The following ATG5 variants were observed in gnomAD, a reference collection of about 807,000 sequenced individuals.
ATG5 encodes the protein autophagy related 5.
A neutral mutation model predicts 36.5 loss-of-function variants in ATG5; 14 were observed. The ratio of observed to expected loss-of-function variants is 0.38; its 90% CI spans 0.25 to 0.60. The LOEUF (loss-of-function observed/expected upper bound fraction) is 0.60, where lower values mean the gene tolerates loss of function less well. Ranked by LOEUF, ATG5 falls within the 20% of genes least tolerant of loss-of-function variation. The probability of loss-of-function intolerance (pLI) is 0.60; values close to 1 mark genes in which losing one functional copy is unlikely to be tolerated. For synonymous variants in ATG5, 95 were observed against 101.5 expected (o/e 0.94, Z 0.38); for missense variants, 195 against 326.7 (o/e 0.60, Z 3.11).
intron 6 of ATG5, among the ~76,000 whole-genome samples, chr6:106,233,256 TA>T (rs1222999294): frequency 6.6e-6 from 1 of 152,166 alleles, no homozygotes; most frequent in African/African-American, 2.4e-5. Flanking sequence ...CCCAAAACCC[TA>T]AAGCAACTAA....
chr6:106,231,055 G>C (rs1777666865), intron 6 of ATG5, among the ~76,000 whole-genome samples: 1 of 151,440 alleles, frequency 6.6e-6, no homozygotes, highest in Admixed American at 6.6e-5. Context: ...CGGTCCAAAA[G>C]GAGATAGACA....
chr6:106,243,452 G>A (rs1582599936), intron 6 of ATG5, among the ~76,000 whole-genome samples: 1 of 151,750 alleles, frequency 6.6e-6, no homozygotes, highest in African/African-American at 2.4e-5. Context: ...CGCTTGAGCC[G>A]GGAAGGCAGA....
In ATG5 at chr6:106,306,939, A is replaced by T. The variant is rs571122548; in HGVS notation, c.236+1425T>A. ...AAGAATCAGAGGAGTCTGATACATG[A>T]TCATGAAGCTCAGTATTGTTTTGAT... On this transcript the variant is annotated intron_variant, in intron 3 of 7. Transcript: ENST00000369076. Among the ~76,000 whole-genome samples, 12 of 152,338 alleles carry T rather than the reference A, an allele frequency of 7.9e-5. No homozygotes were observed. In the South Asian group the frequency reaches 2.5e-3, roughly 32 times the overall value.
chr6:106,289,676 AC>A lies in ATG5; in HGVS notation c.315+3351del, dbSNP rs1385537302. Among the ~76,000 whole-genome samples the A allele has an allele frequency of 6.0e-5, 9 of 151,070 alleles. No homozygotes were observed. In the South Asian group the frequency reaches 1.5e-3, roughly 25 times the overall value. On this transcript the variant is annotated intron_variant, in intron 4 of 7. Transcript: ENST00000369076. ...ATTAGAGCTGAAACATTTAAAAAAA[AC>A]ATTAATTCACTTAAAAATACCAAGA...
At chr6:106,203,516 T>C (rs1488949399) in intron 6 of ATG5, among the ~76,000 whole-genome samples, 5 of 152,372 alleles carry the variant, frequency 3.3e-5, no homozygotes, top group Middle Eastern at 3.4e-3. Context: ...TCTTAACGGT[T>C]ATTTCACTTT....
chr6:106,224,645 G>T (rs1401951617), intron 6 of ATG5, among the ~76,000 whole-genome samples: 7 of 152,172 alleles, frequency 4.6e-5, no homozygotes. Context: ...GGAGGCCTGG[G>T]TGGGCGGATC....
At chr6:106,213,820 T>C (rs1357559881) in intron 6 of ATG5, among the ~76,000 whole-genome samples, 1 of 152,190 alleles carries the variant, frequency 6.6e-6, no homozygotes, top group African/African-American at 2.4e-5. Flanking sequence ...GATGTGATAA[T>C]TAAATGAGAT....
In ATG5 at chr6:106,192,228, T is replaced by A. The variant is rs9480649; in HGVS notation, c.692-5552A>T. Among the ~76,000 whole-genome samples the A allele has an allele frequency of 9.7e-3, 1,473 of 151,634 alleles. 24 individuals are homozygous for A. The highest frequency in any genetic ancestry group is 0.033 in the African/African-American group (1,384 of 41,378). The stretch of plus-strand genomic sequence containing the variant: ...AGACTTTAGGTAAGGTTATTTTTTT[T>A]AAAAAAGATGAAAACATTCAGGTAA... On this transcript the variant is annotated intron_variant, in intron 7 of 7. Coordinates refer to ENST00000369076, the MANE Select transcript of ATG5 (RefSeq NM_004849.4).
intron 3 of ATG5, among the ~76,000 whole-genome samples, chr6:106,305,928 C>T (rs1159996209): frequency 6.6e-6 from 1 of 152,192 alleles, no homozygotes; most frequent in East Asian, 1.9e-4. Context: ...ACATTTATGG[C>T]TCTGGAAGTT....
chr6:106,252,968 CATCT>C (rs2114528424), intron 5 of ATG5, among the ~76,000 whole-genome samples: 1 of 152,284 alleles, frequency 6.6e-6, no homozygotes, highest in East Asian at 1.9e-4. Flanking sequence ...CAAAATTTTC[CATCT>C]GTCAACAGTA....
chr6:106,261,903 G>A (rs1779034463), intron 5 of ATG5, among the ~76,000 whole-genome samples: 1 of 152,124 alleles, frequency 6.6e-6, no homozygotes, highest in Non-Finnish European at 1.5e-5. Flanking sequence ...ATTACACAAT[G>A]CACAGGACAG....
intron 3 of ATG5, among the ~76,000 whole-genome samples, chr6:106,303,969 A>G (rs926185681): frequency 4.0e-5 from 6 of 149,540 alleles, no homozygotes; most frequent in African/African-American, 1.5e-4. Flanking sequence ...AGCTACTCCA[A>G]TAAGGAAAAA....
At chr6:106,310,522 G>A (rs1770608173) in intron 2 of ATG5, among the ~76,000 whole-genome samples, 1 of 151,794 alleles carries the variant, frequency 6.6e-6, no homozygotes, top group South Asian at 2.1e-4. Context: ...TTTTTCTTAG[G>A]TGTATTTCAT....
chr6:106,193,137 A>T (rs1776032191), intron 7 of ATG5, among the ~76,000 whole-genome samples: 2 of 152,232 alleles, frequency 1.3e-5, no homozygotes, highest in Non-Finnish European at 2.9e-5. Context: ...AGCAGTAAAA[A>T]TGAACATATA....
chr6:106,222,552 C>T (rs768674686), intron 6 of ATG5, among the ~76,000 whole-genome samples: 38 of 151,852 alleles, frequency 2.5e-4, no homozygotes, highest in Non-Finnish European at 2.5e-4. Flanking sequence ...AGTAAGCAAC[C>T]GAAAAGGAAG....
rs540091094 is a variant in ATG5 at position 106,213,676 on chromosome 6, T to C, written c.574-11587A>G. 1.4e-4 allele frequency among the ~76,000 whole-genome samples: 22 copies of C among 152,252 alleles called. No individual in the cohort carries two copies. The South Asian group carries it at 3.7e-3, about 26-fold the overall frequency. On this transcript the variant is annotated intron_variant, in intron 6 of 7. Coordinates refer to ENST00000369076, the MANE Select transcript of ATG5 (RefSeq NM_004849.4). The stretch of plus-strand genomic sequence containing the variant: ...CATATAGAGCTTGGAATGTCAAATG[T>C]AGTGGAAATAACAAAGGTTTGGTTG...
At chr6:106,217,399 A>C (rs538863454) in intron 6 of ATG5, 77 of 152,230 alleles carry the variant, frequency 5.1e-4, no homozygotes, top group Non-Finnish European at 1.0e-3. Flanking sequence ...ATAAGGAGTA[A>C]TATGAAATAA....
chr6:106,214,382 G>A lies in ATG5; in HGVS notation c.574-12293C>T, dbSNP rs1776962824. Among the ~76,000 whole-genome samples the A allele has an allele frequency of 2.0e-5, 3 of 152,050 alleles. No homozygotes were observed. The South Asian group carries it at 6.2e-4, about 32-fold the overall frequency. On this transcript the variant is annotated intron_variant, in intron 6 of 7. Coordinates refer to ENST00000369076, the MANE Select transcript of ATG5 (RefSeq NM_004849.4). ...CTTTTATCCTTTATGTAGAGAAATA[G>A]GAGAGTTGAAAATAAGCACTTTCTG...
chr6:106,219,805 C>T (rs1018912624), intron 6 of ATG5, among the ~76,000 whole-genome samples: 1 of 152,144 alleles, frequency 6.6e-6, no homozygotes, highest in Non-Finnish European at 1.5e-5. Flanking sequence ...TGTGTCACAA[C>T]ATATACATGC....
Sources: gnomAD v4.1 joint callset for allele counts (sites outside exome capture counted in the v4.1 genomes callset) on GRCh38, gnomAD v4.1.1 for gene constraint, MANE v1.5 for transcripts, NCBI Gene and HGNC (gene_info 2026-07-23, HGNC 2026-07-21) for gene names.